Variants in CRADD observed in about 807,000 individuals in gnomAD.
The protein encoded by CRADD is CARD and death domain containing adaptor protein, also known as death domain-containing protein CRADD.
Under a neutral mutation model 15.5 loss-of-function variants are expected in CRADD, and 9 were observed. That is an observed-to-expected ratio of 0.58 (90% CI 0.35 to 1.01). The LOEUF (loss-of-function observed/expected upper bound fraction) is 1.01. CRADD is among the 50% of genes least tolerant of loss of function. The pLI is 0.02. For synonymous variants in CRADD, 118 were observed against 107.6 expected (o/e 1.10, Z -0.60); for missense variants, 227 against 250.3 (o/e 0.91, Z 0.63).
intron 2 of CRADD, among the ~76,000 whole-genome samples, chr12:93,690,633 C>T (rs1225004702): frequency 2.0e-5 from 3 of 152,190 alleles, no homozygotes; most frequent in Non-Finnish European, 4.4e-5. Context: ...GAGGTAGGCA[C>T]TACTGTTATC....
chr12:93,716,016 A>C (rs186567553), intron 2 of CRADD, among the ~76,000 whole-genome samples: 20 of 151,844 alleles, frequency 1.3e-4, no homozygotes, highest in Non-Finnish European at 2.8e-4. Context: ...CCTGTAATCC[A>C]AGCTACTCGG....
chr12:93,833,638 A>G (rs984989895), intron 2 of CRADD, among the ~76,000 whole-genome samples: 1 of 152,184 alleles, frequency 6.6e-6, no homozygotes, highest in Non-Finnish European at 1.5e-5. Flanking sequence ...TGCCTCAGCT[A>G]TACACACTAA....
chr12:93,678,141 G>C (rs889355950), intron 1 of CRADD: 3 of 152,322 alleles, frequency 2.0e-5, no homozygotes, highest in African/African-American at 7.2e-5. Flanking sequence ...TGGAGTCTGT[G>C]ACTGTATATT....
chr12:93,732,861 T>A lies in CRADD; in HGVS notation c.298+53789T>A, dbSNP rs369736882. Among the ~76,000 whole-genome samples, 22 of 152,354 alleles carry A rather than the reference T, an allele frequency of 1.4e-4. 3 individuals are homozygous for A. The highest frequency in any genetic ancestry group is 1.4e-3 in the Admixed American group (21 of 15,310). ...TCAGTAAGTGGTTGCTCTTTTTTCATAAGTAGTCCAATTTCTTTTAGAAGA... is the reference window on the plus strand; with the variant it reads ...TCAGTAAGTGGTTGCTCTTTTTTCAAAAGTAGTCCAATTTCTTTTAGAAGA... On this transcript the variant is annotated intron_variant, in intron 2 of 2. Coordinates refer to ENST00000332896, the MANE Select transcript of CRADD (RefSeq NM_003805.5).
intron 2 of CRADD, among the ~76,000 whole-genome samples, chr12:93,744,228 A>C (rs555971408): frequency 6.6e-6 from 1 of 152,300 alleles, no homozygotes; most frequent in South Asian, 2.1e-4. Flanking sequence ...TAGGCCTTCC[A>C]GGGGAGAATC....
chr12:93,737,866 T>C (rs527404225), intron 2 of CRADD: 1 of 171,900 alleles, frequency 5.8e-6, no homozygotes. Flanking sequence ...TGCATGCTTT[T>C]TATGGAACAG....
chr12:93,737,511 A>C (rs1295051435), intron 2 of CRADD, among the ~76,000 whole-genome samples: 1 of 152,232 alleles, frequency 6.6e-6, no homozygotes, highest in Non-Finnish European at 1.5e-5. Flanking sequence ...GTTATTTTCA[A>C]GTCACCCAAC....
chr12:93,800,029 A>G (rs766902137), intron 2 of CRADD, among the ~76,000 whole-genome samples: 9 of 152,236 alleles, frequency 5.9e-5, no homozygotes, highest in Non-Finnish European at 8.8e-5. Context: ...GATAGTAGAT[A>G]GATGATATGA....
chr12:93,748,897 G>A (rs1956799715), intron 2 of CRADD, among the ~76,000 whole-genome samples: 1 of 152,186 alleles, frequency 6.6e-6, no homozygotes, highest in African/African-American at 2.4e-5. Flanking sequence ...CCATGGCCAG[G>A]GCCTAGCAGG....
chr12:93,830,088 T>C (rs1957875962), intron 2 of CRADD, among the ~76,000 whole-genome samples: 1 of 151,920 alleles, frequency 6.6e-6, no homozygotes, highest in Non-Finnish European at 1.5e-5. Context: ...TGCCACGGGT[T>C]CTAGAGGCTC....
At chr12:93,819,716 G>T (rs572397369) in intron 2 of CRADD, among the ~76,000 whole-genome samples, 2 of 152,394 alleles carry the variant, frequency 1.3e-5, no homozygotes, top group African/African-American at 4.8e-5. Context: ...GTTACTTGGT[G>T]TGCGTAAGAG....
chr12:93,723,679 C>T (rs146379710), intron 2 of CRADD, among the ~76,000 whole-genome samples: 14 of 152,278 alleles, frequency 9.2e-5, no homozygotes, highest in African/African-American at 2.9e-4. Flanking sequence ...TTCAGTGCAT[C>T]GGCTTTGCTG....
intron 2 of CRADD, among the ~76,000 whole-genome samples, chr12:93,802,626 A>G (rs759199583): frequency 6.6e-6 from 1 of 152,146 alleles, no homozygotes; most frequent in Non-Finnish European, 1.5e-5. Flanking sequence ...AGGTAAATGT[A>G]TCTTTGTGGG....
intron 2 of CRADD, among the ~76,000 whole-genome samples, chr12:93,794,470 ACC>A (rs1334781698): frequency 6.6e-6 from 1 of 152,038 alleles, no homozygotes; most frequent in African/African-American, 2.4e-5. Context: ...CTTAGGCATC[ACC>A]CTTGATTGCT....
rs1957799626 is a variant in CRADD at position 93,824,209 on chromosome 12, C to T, written c.299-25761C>T. The stretch of plus-strand genomic sequence containing the variant: ...CCTCTAGGCTGCTGTAGGACACACC[C>T]CGGTCTCATTTTCAGTGTCTCAGCA... On this transcript the variant is annotated intron_variant, in intron 2 of 2. Coordinates refer to ENST00000332896, the MANE Select transcript of CRADD (RefSeq NM_003805.5). The surrounding 1 kb of genome is among the most constrained non-coding windows in gnomAD (Gnocchi z 4.3). Among the ~76,000 whole-genome samples the T allele has an allele frequency of 6.6e-6, 1 of 152,120 alleles. No individual in the cohort carries two copies. Among genetic ancestry groups the T allele is most frequent in the Non-Finnish European group, 1.5e-5 (1 of 68,034 alleles).
chr12:93,758,991 C>T (rs1248545779), intron 2 of CRADD, among the ~76,000 whole-genome samples: 1 of 152,108 alleles, frequency 6.6e-6, no homozygotes, highest in Non-Finnish European at 1.5e-5. Flanking sequence ...TTGAGCTATC[C>T]TCACAGGTTT....
intron 2 of CRADD, among the ~76,000 whole-genome samples, chr12:93,728,860 T>C (rs764822821): frequency 1.2e-4 from 18 of 152,204 alleles, no homozygotes; most frequent in Admixed American, 5.2e-4. Context: ...TGAAAATCAA[T>C]GTAATTTATT....
intron 2 of CRADD, among the ~76,000 whole-genome samples, chr12:93,702,701 C>T (rs539712190): frequency 4.6e-5 from 7 of 152,020 alleles, no homozygotes; most frequent in South Asian, 4.2e-4. Flanking sequence ...GAACACTGAT[C>T]ACACTGTTCC....
chr12:93,678,302 T>TCCTGCGTG (rs1955204219), intron 1 of CRADD, among the ~76,000 whole-genome samples: 1 of 152,156 alleles, frequency 6.6e-6, no homozygotes, highest in Non-Finnish European at 1.5e-5. Context: ...ATACTTGTGA[T>TCCTGCGTG]CAAAAAAAGG....
Sources: allele counts gnomAD v4.1 joint callset (sites outside exome capture counted in the v4.1 genomes callset), GRCh38; gene constraint gnomAD v4.1.1; non-coding constraint Gnocchi (gnomAD v3.1); transcripts MANE v1.5; gene names NCBI Gene and HGNC (gene_info 2026-07-23, HGNC 2026-07-21).